The following PPIL3 variants were observed in gnomAD, a reference collection of about 807,000 sequenced individuals.
The protein encoded by PPIL3 is peptidyl-prolyl cis-trans isomerase-like 3.
Under a neutral mutation model 20.9 loss-of-function variants are expected in PPIL3, and 13 were observed. The ratio of observed to expected loss-of-function variants is 0.62; its 90% confidence interval spans 0.40 to 0.99. The LOEUF (loss-of-function observed/expected upper bound fraction) is 0.99, where lower values mean the gene tolerates loss of function less well. PPIL3 is among the 50% of genes least tolerant of loss of function. PPIL3 has a pLI of 0.00. For synonymous variants in PPIL3, 71 were observed against 64.4 expected, an observed-to-expected ratio of 1.10 and a Z score of -0.49; for missense variants, 170 against 195.2, an observed-to-expected ratio of 0.87 and a Z score of 0.77.
At chr2:200,880,058 G>A (rs1449397318) in intron 5 of PPIL3, among the ~76,000 whole-genome samples, 1 of 152,044 alleles carries the variant, frequency 6.6e-6, no homozygotes, top group Non-Finnish European at 1.5e-5. Flanking sequence ...ACCAGCTTGG[G>A]CAACATAGTG....
At chr2:200,875,147 G>A (rs1187999092) in intron 6 of PPIL3, among the ~76,000 whole-genome samples, 1 of 152,064 alleles carries the variant, frequency 6.6e-6, no homozygotes, top group Non-Finnish European at 1.5e-5. Flanking sequence ...TACCTTCCTA[G>A]GAGCCATTCT....
intron 5 of PPIL3, among the ~76,000 whole-genome samples, chr2:200,879,989 C>T (rs2039662742): frequency 6.6e-6 from 1 of 152,190 alleles, no homozygotes; most frequent in Admixed American, 6.5e-5. Flanking sequence ...TTATCACCTC[C>T]CAGCCTCAAC....
chr2:200,871,273 TAGA>T lies in PPIL3; in HGVS notation c.*119_*121del, dbSNP rs893440679. The T allele has an allele frequency of 2.4e-5, 25 of 1,057,494 alleles. No homozygotes were observed. The African/African-American group carries it at 3.6e-4, about 15-fold the overall frequency. 65.5% of individuals were successfully genotyped at this position (1,057,494 alleles called of 1,614,324 possible). The stretch of plus-strand genomic sequence containing the variant: ...GGCGCCCCTTGGTACCACCATTTCA[TAGA>T]AGATCATAGTTGTAAACAAGCAGAA... On this transcript the variant is annotated 3_prime_UTR_variant, in exon 7 of 7. Coordinates refer to ENST00000392283, the MANE Select transcript of PPIL3 (RefSeq NM_130906.3).
chr2:200,878,791 C>A (rs892540760), intron 5 of PPIL3, among the ~76,000 whole-genome samples: 2 of 152,148 alleles, frequency 1.3e-5, no homozygotes, highest in African/African-American at 4.8e-5. Flanking sequence ...ATGCTTTCTA[C>A]AAATAACATT....
At position 200,885,750 on chromosome 2, in the gene PPIL3, A is replaced by C. The variant is rs140784887; in HGVS notation, c.26T>G (p.Val9Gly). The change falls in exon 3 of 7, where the codon GTA (valine) becomes GGA (glycine). Residue 9 changes from valine (V) to glycine (G), a missense_variant. Transcript: ENST00000392283. MSVTLHTD[V>G]GDIKIEVFCE... ...GAAGACTTCAATTTTAATATCACCT[A>C]CATCTGTATGCAGTGTCACAGACTA... 52 of 1,593,346 alleles carry C rather than the reference A, an allele frequency of 3.3e-5. No homozygotes were observed. Among genetic ancestry groups the C allele is most frequent in the Non-Finnish European group, 4.4e-5 (51 of 1,163,766 alleles).
At chr2:200,878,826 T>C (rs2039612304) in intron 5 of PPIL3, among the ~76,000 whole-genome samples, 1 of 152,260 alleles carries the variant, frequency 6.6e-6, no homozygotes, top group African/African-American at 2.4e-5. Flanking sequence ...GTTATACATG[T>C]ACATATAGCC....
chr2:200,888,813 T>C (rs1036469362), intron 1 of PPIL3, 143 bp downstream of exon 1: 2 of 412,198 alleles, frequency 4.9e-6, no homozygotes, highest in African/African-American at 2.1e-5. Context: ...CCGTGCAGGG[T>C]CCTTCTTTTA....
chr2:200,872,833 C>A (rs2039361592), intron 6 of PPIL3, among the ~76,000 whole-genome samples: 1 of 151,338 alleles, frequency 6.6e-6, no homozygotes, highest in South Asian at 2.1e-4. Context: ...TACTGCCCTA[C>A]AATGAGAGTC....
At chr2:200,879,299 T>TAG (rs879518206) in intron 5 of PPIL3, among the ~76,000 whole-genome samples, 2,528 of 152,140 alleles carry the variant, frequency 0.017, 34 homozygotes, top group Non-Finnish European at 0.026. Context: ...TTTGTATTTT[T>TAG]TGGCAGAGAC....
chr2:200,887,759 T>G, intron 1 of PPIL3, 74 bp from the exon 2 acceptor site: 2 of 608,448 alleles, frequency 3.3e-6, no homozygotes, highest in Non-Finnish European at 5.4e-6. Flanking sequence ...TTACTGAACA[T>G]TTTAAATAAA....
intron 5 of PPIL3, among the ~76,000 whole-genome samples, chr2:200,880,152 T>C (rs1242635908): frequency 2.0e-5 from 3 of 151,784 alleles, no homozygotes; most frequent in Non-Finnish European, 2.9e-5. Context: ...GAGGCTGAGG[T>C]GGGAGGATCA....
At chr2:200,885,118 C>T (rs1276024914) in intron 3 of PPIL3, 2 of 155,862 alleles carry the variant, frequency 1.3e-5, no homozygotes, top group African/African-American at 5.1e-5. Flanking sequence ...TGCTTGTAAT[C>T]CCAGCACTTT....
chr2:200,877,540 G>C (rs2039567417), intron 5 of PPIL3: 1 of 152,210 alleles, frequency 6.6e-6, no homozygotes, highest in South Asian at 2.1e-4. Flanking sequence ...TGATCAGGCA[G>C]GCAACAAAAC....
In PPIL3 at chr2:200,871,413, G is replaced by T. The variant is rs1267544838; in HGVS notation, c.468C>A (p.Ala156=). The change falls in exon 7 of 7, where the codon GCC becomes GCA. Residue 156 remains alanine (A), a synonymous_variant. Transcript: ENST00000392283. ...DVHIKDITIH[A]NPFAQ ...ATCATAGCTACTGAGCAAATGGGTT[G>T]GCATGAATAGTTATGTCCTTAATGT... The T allele has an allele frequency of 6.2e-7, 1 of 1,611,144 alleles. No homozygotes were observed. The highest frequency in any genetic ancestry group is 1.3e-5 in the African/African-American group (1 of 74,784).
At chr2:200,871,553 T>C (rs200580683) in intron 6 of PPIL3, 32 bp from the exon 7 acceptor site, 132 of 1,583,730 alleles carry the variant, frequency 8.3e-5, no homozygotes, top group Admixed American at 1.1e-4. Flanking sequence ...ATATGAAAAT[T>C]TCCTTAAATT....
intron 2 of PPIL3, among the ~76,000 whole-genome samples, chr2:200,887,242 T>C (rs1215982398): frequency 6.6e-6 from 1 of 151,768 alleles, no homozygotes; most frequent in East Asian, 1.9e-4. Context: ...AAAAATTAGC[T>C]GGGCGTGGTG....
At chr2:200,878,207 G>C (rs1422418901) in intron 5 of PPIL3, among the ~76,000 whole-genome samples, 1 of 151,886 alleles carries the variant, frequency 6.6e-6, no homozygotes, top group Non-Finnish European at 1.5e-5. Context: ...AATAAAATAA[G>C]CACCCATTAA....
intron 1 of PPIL3, among the ~76,000 whole-genome samples, chr2:200,887,893 C>T (rs1350685922): frequency 6.6e-6 from 1 of 151,820 alleles, no homozygotes; most frequent in African/African-American, 2.4e-5. Flanking sequence ...CCCGTCTCTA[C>T]TAAAAACACA....
chr2:200,876,131 AGT>A (rs1294241805), intron 6 of PPIL3, among the ~76,000 whole-genome samples: 14 of 150,558 alleles, frequency 9.3e-5, no homozygotes, highest in African/African-American at 3.5e-4. Context: ...CTAAAAAAAA[AGT>A]GTTTTTTTTG....
Sources: allele counts gnomAD v4.1 joint callset (sites outside exome capture counted in the v4.1 genomes callset), GRCh38; gene constraint gnomAD v4.1.1; transcripts MANE v1.5; gene names NCBI Gene and HGNC (gene_info 2026-07-23, HGNC 2026-07-21).